SLC22A11: variants seen among roughly 807,000 people sequenced by gnomAD.
SLC22A11 encodes solute carrier family 22 member 11, also known as organic anion transporter 4.
A neutral mutation model predicts 49.4 loss-of-function variants in SLC22A11; 42 were observed. The ratio of observed to expected loss-of-function variants is 0.85; its 90% CI spans 0.66 to 1.10. The LOEUF (loss-of-function observed/expected upper bound fraction) is 1.10, where lower values mean the gene tolerates loss of function less well. Ranked by LOEUF, SLC22A11 falls within the 50% of genes least tolerant of loss-of-function variation. The pLI, the probability that SLC22A11 is intolerant of heterozygous loss-of-function variation, is 0.00. For missense variants in SLC22A11, 685 were observed against 731.6 expected (o/e 0.94, Z 0.74); for synonymous variants, 304 against 315.8 (o/e 0.96, Z 0.40).
At position 64,565,225 on chromosome 11, in the gene SLC22A11, C is replaced by A; in HGVS notation, c.946C>A (p.Leu316Met). The A allele has an allele frequency of 6.5e-7, 1 of 1,537,114 alleles. No individual in the cohort carries two copies. Among genetic ancestry groups the A allele is most frequent in the Non-Finnish European group, 8.8e-7 (1 of 1,138,430 alleles). ...GTGCCCCCATTCTCCCCGGAAGGTGCTGATGTCCAGCGTGAAGGAGGAGGT... is the reference window on the plus strand; with the variant it reads ...GTGCCCCCATTCTCCCCGGAAGGTGATGATGTCCAGCGTGAAGGAGGAGGT... ...KEAKNLTIEV[L>M]MSSVKEEVAS... The change falls in exon 6 of 10, where the codon CTG (leucine) becomes ATG (methionine). Residue 316 changes from leucine to methionine, a missense_variant. Leu to Met is a conservative substitution (Grantham distance 15, BLOSUM62 2). Coordinates refer to ENST00000301891, the MANE Select transcript of SLC22A11 (RefSeq NM_018484.4). The surrounding 1 kb of genome is among the most constrained non-coding windows in gnomAD (Gnocchi z 4.1).
intron 8 of SLC22A11, 41 bp downstream of exon 8, chr11:64,568,819 C>G: frequency 6.4e-7 from 1 of 1,565,414 alleles, no homozygotes; most frequent in Non-Finnish European, 8.8e-7. Flanking sequence ...CCAGCAGGGC[C>G]GTCCTGAGAG....
intron 2 of SLC22A11, among the ~76,000 whole-genome samples, chr11:64,560,707 C>T (rs2038531769): frequency 6.6e-6 from 1 of 152,198 alleles, no homozygotes; most frequent in African/African-American, 2.4e-5. Context: ...TGGCTCAAGG[C>T]TTGTTTGTTG....
rs754364564 is a variant in SLC22A11, at chr11:64,568,778, G to C, written c.1382G>C (p.Arg461Pro). Residue 461 changes from arginine to proline, a missense_variant and splice_region_variant, in exon 8 of 10, where the codon CGG becomes CCG. Transcript: ENST00000301891. ...GCTGAACTCTTTCCAACGCCAGTGC[G>C]GTAAGCTGGGCTGCAGGCCATGCCC... is the stretch of plus-strand genomic sequence containing the variant. The part of the protein sequence containing the change: ...YKAELFPTPV[R>P]MTADGILHTV... 4.3e-6 allele frequency: 7 copies of C among 1,612,982 alleles called. No individual in the cohort carries two copies. The highest frequency in any genetic ancestry group is 1.7e-5 in the Admixed American group (1 of 60,016).
chr11:64,563,925 A>AG (rs1565122188), intron 4 of SLC22A11, among the ~76,000 whole-genome samples: 4 of 151,602 alleles, frequency 2.6e-5, no homozygotes, highest in African/African-American at 9.7e-5. Context: ...CAAAAAAAAA[A>AG]CAAAAAAACC....
Position 64,562,072 on chromosome 11 carries a change from T to TCG in SLC22A11, c.568_569dup (p.Thr192GlnfsTer22). Reference sequence around the variant, plus strand: ...GCCGTGGCGGGCACCAGCACCATCTTCGCCCCAACATTCGTCATCTACTGC... The same window carrying TCG: ...GCCGTGGCGGGCACCAGCACCATCTTCGCGCCCCAACATTCGTCATCTACTGC... On this transcript the variant is annotated frameshift_variant, in exon 3 of 10. Transcript: ENST00000301891. LOFTEE classifies it high-confidence loss of function. The surrounding 1 kb of genome is among the most constrained non-coding windows in gnomAD (Gnocchi z 4.4). The TCG allele has an allele frequency of 4.3e-6, 7 of 1,613,856 alleles. No individual in the cohort carries two copies. Among genetic ancestry groups the TCG allele is most frequent in the Non-Finnish European group, 5.9e-6 (7 of 1,180,026 alleles).
intron 2 of SLC22A11, among the ~76,000 whole-genome samples, chr11:64,560,470 C>T (rs1218647955): frequency 6.6e-6 from 1 of 152,242 alleles, no homozygotes; most frequent in Admixed American, 6.5e-5. Flanking sequence ...CACCAGCCTC[C>T]TCCTGGGGCC....
chr11:64,557,901 G>A (rs547298557), intron 1 of SLC22A11, among the ~76,000 whole-genome samples: 5 of 151,188 alleles, frequency 3.3e-5, no homozygotes, highest in East Asian at 2.0e-4. Context: ...GGGTCCAAGC[G>A]ATTCTCCAGC....
Position 64,569,668 on chromosome 11 carries a change from A to C in SLC22A11, c.1399A>C (p.Ile467Leu), listed in dbSNP as rs758803745. ...CACCCACAGGATGACAGCAGATGGC[A>C]TTCTGCATACAGTGGGCCGGCTGGG... ...PTPVRMTADGILHTVGRLGAM... is the reference protein window; with the variant it reads ...PTPVRMTADGLLHTVGRLGAM... The change falls in exon 9 of 10, where the codon ATT becomes CTT. Residue 467 changes from isoleucine to leucine, a missense_variant. Transcript: ENST00000301891. 2 of 1,614,088 alleles carry C rather than the reference A, an allele frequency of 1.2e-6. No individual in the cohort carries two copies. The highest frequency in any genetic ancestry group is 4.5e-5 in the East Asian group (2 of 44,886).
intron 1 of SLC22A11, 144 bp downstream of exon 1, chr11:64,556,536 G>A: frequency 5.2e-6 from 7 of 1,336,198 alleles, no homozygotes; most frequent in Non-Finnish European, 7.1e-6. Context: ...ACACACAGGG[G>A]AGTGGGCGGC....
Position 64,568,753 on chromosome 11 carries a change from G to T in SLC22A11, c.1357G>T (p.Ala453Ser). 1 of 1,614,068 alleles carries T rather than the reference G, an allele frequency of 6.2e-7. No homozygotes were observed. The highest frequency in any genetic ancestry group is 8.5e-7 in the Non-Finnish European group (1 of 1,180,002). The change falls in exon 8 of 10, where the codon GCT becomes TCT. Residue 453 changes from alanine (A) to serine (S), a missense_variant. By Grantham distance (99) the Ala-to-Ser change is moderately conservative. Coordinates refer to ENST00000301891, the MANE Select transcript of SLC22A11 (RefSeq NM_018484.4). ...ISLTCLTIYK[A>S]ELFPTPVRMT... ...CCTAACCTGCCTCACCATCTACAAG[G>T]CTGAACTCTTTCCAACGCCAGTGCG...
chr11:64,569,110 A>G (rs1202246839), intron 8 of SLC22A11, among the ~76,000 whole-genome samples: 1 of 152,178 alleles, frequency 6.6e-6, no homozygotes, highest in Non-Finnish European at 1.5e-5. Context: ...CCCTGCCCCA[A>G]GAGAGCCCCA....
rs2038699787 is a variant in SLC22A11, at chr11:64,571,234, T to C, written c.*192T>C. 3 of 609,162 alleles carry C rather than the reference T, an allele frequency of 4.9e-6. No individual in the cohort carries two copies. The highest frequency in any genetic ancestry group is 8.7e-6 in the Non-Finnish European group (3 of 345,306). The allele number at this position is 609,162 out of a possible 1,614,324, so 37.7% of individuals were successfully genotyped here. A position where few individuals can be genotyped will look rare whatever the true frequency, so the allele number is the denominator to read the frequency against. On this transcript the variant is annotated 3_prime_UTR_variant, in exon 10 of 10. Transcript: ENST00000301891. The stretch of plus-strand genomic sequence containing the variant: ...CAGCTTCCACAGCTCACTCCTCTTC[T>C]CCCTGCCCTGATCAGATTCCCCACC...
chr11:64,563,531 C>T (rs2038579092), intron 4 of SLC22A11, among the ~76,000 whole-genome samples: 1 of 150,544 alleles, frequency 6.6e-6, no homozygotes, highest in African/African-American at 2.5e-5. Flanking sequence ...TCTCCTGGCC[C>T]ACCTGCCCCT....
At chr11:64,559,068 C>T in intron 1 of SLC22A11, 67 bp from the exon 2 acceptor site, 2 of 1,408,080 alleles carry the variant, frequency 1.4e-6, no homozygotes, top group Non-Finnish European at 2.0e-6. Flanking sequence ...GTCAGGCGTT[C>T]CTCGGCCGTG....
At position 64,571,168 on chromosome 11, in the gene SLC22A11, G is replaced by A. The variant is rs1426141908; in HGVS notation, c.*126G>A. 9.1e-6 allele frequency: 9 copies of A among 994,270 alleles called. No individual in the cohort carries two copies. Among genetic ancestry groups the A allele is most frequent in the East Asian group, 4.8e-5 (2 of 41,536 alleles). The allele number at this position is 994,270 out of a possible 1,614,324, so 61.6% of individuals were successfully genotyped here. On this transcript the variant is annotated 3_prime_UTR_variant, in exon 10 of 10. Transcript: ENST00000301891. The stretch of plus-strand genomic sequence containing the variant: ...CTGGCATGGCAGAGGCCAGGCAGCC[G>A]TGGCCGAGTGGACAGCGTGGCCGTC...
At position 64,565,166 on chromosome 11, in the gene SLC22A11, G is replaced by A. The variant is rs1421122469; in HGVS notation, c.943-56G>A. On this transcript the variant is annotated intron_variant, in intron 5 of 9. Transcript: ENST00000301891. This position sits in a 1 kb window ranked among gnomAD's most constrained non-coding sequence, Gnocchi z 4.1. The stretch of plus-strand genomic sequence containing the variant: ...ACTTGGACACTGTTCTCTGGCACAG[G>A]GGGTGGGGCAGGGCCATTGCCCTAC... The A allele has an allele frequency of 7.5e-7, 1 of 1,332,416 alleles. No homozygotes were observed. Among genetic ancestry groups the A allele is most frequent in the Non-Finnish European group, 1.0e-6 (1 of 971,766 alleles). 82.5% of individuals were successfully genotyped at this position (1,332,416 alleles called of 1,614,324 possible).
chr11:64,566,350 A>T (rs1237307701), intron 6 of SLC22A11: 1 of 152,090 alleles, frequency 6.6e-6, no homozygotes, highest in East Asian at 1.9e-4. Flanking sequence ...TTAACCACAT[A>T]TGGGTTATGA....
Position 64,556,696 on chromosome 11 carries a change from A to T in SLC22A11, c.393+304A>T, listed in dbSNP as rs1050078902. ...CATTAGCCGTGACTCCAGACAACTC[A>T]GCTGCAGGGGGAAATCAGGGGTAAG... On this transcript the variant is annotated intron_variant, in intron 1 of 9. Transcript: ENST00000301891. Among the ~76,000 whole-genome samples the T allele has an allele frequency of 7.2e-5, 11 of 152,000 alleles. 1 individual carries two copies. Among genetic ancestry groups the T allele is most frequent in the Admixed American group, 6.6e-4 (10 of 15,266 alleles).
intron 1 of SLC22A11, among the ~76,000 whole-genome samples, chr11:64,557,699 A>T (rs997762791): frequency 6.9e-6 from 1 of 144,700 alleles, no homozygotes; most frequent in Non-Finnish European, 1.5e-5. Flanking sequence ...TGGCACAAAC[A>T]TGACTGCCTG....
Sources: allele counts gnomAD v4.1 joint callset (sites outside exome capture counted in the v4.1 genomes callset), GRCh38; gene constraint gnomAD v4.1.1; non-coding constraint Gnocchi (gnomAD v3.1); transcripts MANE v1.5; gene names NCBI Gene and HGNC (gene_info 2026-07-23, HGNC 2026-07-21).